PTPRD: variants seen among roughly 807,000 people sequenced by gnomAD.
PTPRD encodes the protein protein tyrosine phosphatase receptor type D.
PTPRD carries 34 observed loss-of-function variants against 214.5 expected under a neutral mutation model. The observed-to-expected ratio is 0.16, with a 90% CI of 0.12 to 0.21. PTPRD has a LOEUF of 0.21. Ranked by LOEUF, PTPRD falls within the 10% of genes least tolerant of loss-of-function variation. The pLI, the probability that PTPRD is intolerant of heterozygous loss-of-function variation, is 1.00. For synonymous variants in PTPRD, 1,128 were observed against 845.7 expected (o/e 1.33, Z -5.79); for missense variants, 2,545 against 2,398.7 (o/e 1.06, Z -1.27).
chr9:8,901,668 C>G (rs114262255), intron 11 of PTPRD, among the ~76,000 whole-genome samples: 2 of 152,268 alleles, frequency 1.3e-5, no homozygotes, highest in African/African-American at 2.4e-5. Context: ...TGGCTACTCC[C>G]AATTAATTAG....
chr9:9,856,402 C>T (rs140970134), intron 5 of PTPRD, among the ~76,000 whole-genome samples: 195 of 152,156 alleles, frequency 1.3e-3, no homozygotes, highest in African/African-American at 3.8e-3. Context: ...CACCAGGGAC[C>T]CATCCTTTTC....
intron 3 of PTPRD, among the ~76,000 whole-genome samples, chr9:10,141,067 T>A (rs2098981203): frequency 6.6e-6 from 1 of 151,894 alleles, no homozygotes; most frequent in Non-Finnish European, 1.5e-5. Context: ...TGCTAAAAAT[T>A]CTCAATAAAT....
intron 2 of PTPRD, among the ~76,000 whole-genome samples, chr9:10,395,710 G>A (rs2098155627): frequency 6.6e-6 from 1 of 151,766 alleles, no homozygotes; most frequent in African/African-American, 2.4e-5. Flanking sequence ...GATCCACAGG[G>A]GCCAAATAAG....
chr9:9,559,295 C>A (rs1251773800), intron 8 of PTPRD, among the ~76,000 whole-genome samples: 1 of 152,216 alleles, frequency 6.6e-6, no homozygotes, highest in Non-Finnish European at 1.5e-5. Flanking sequence ...GCTTCCCAGT[C>A]TGGGAGTTGG....
chr9:9,687,992 C>G (rs2097195716), intron 7 of PTPRD, among the ~76,000 whole-genome samples: 1 of 151,742 alleles, frequency 6.6e-6, no homozygotes. Flanking sequence ...AGGGAATTCT[C>G]ATGGGATCTG....
At chr9:8,619,797 C>CA (rs1595434632) in intron 14 of PTPRD, among the ~76,000 whole-genome samples, 1 of 151,698 alleles carries the variant, frequency 6.6e-6, no homozygotes, top group East Asian at 2.0e-4. Context: ...TAGAGACCCC[C>CA]AAAACAAAAA....
intron 14 of PTPRD, among the ~76,000 whole-genome samples, chr9:8,566,687 C>G (rs1180269563): frequency 6.6e-6 from 1 of 152,176 alleles, no homozygotes; most frequent in Non-Finnish European, 1.5e-5. Flanking sequence ...ATACGTTAGA[C>G]ACTCATGATT....
intron 8 of PTPRD, among the ~76,000 whole-genome samples, chr9:9,531,269 A>G (rs902530879): frequency 6.6e-6 from 1 of 152,172 alleles, no homozygotes; most frequent in African/African-American, 2.4e-5. Flanking sequence ...TCATATGACA[A>G]CATGGATGAG....
chr9:8,414,970 A>AGG (rs1374202167), intron 35 of PTPRD, among the ~76,000 whole-genome samples: 53 of 146,744 alleles, frequency 3.6e-4, no homozygotes, highest in African/African-American at 1.3e-3. Context: ...AGAGAGAGAG[A>AGG]GAGACAGACA....
chr9:8,915,090 G>A (rs1226055011), intron 11 of PTPRD, among the ~76,000 whole-genome samples: 1 of 152,040 alleles, frequency 6.6e-6, no homozygotes, highest in African/African-American at 2.4e-5. Context: ...AAATATGAAA[G>A]CAGTTTGAAG....
chr9:8,707,979 C>A (rs1305103728), intron 12 of PTPRD, among the ~76,000 whole-genome samples: 1 of 152,070 alleles, frequency 6.6e-6, no homozygotes, highest in East Asian at 1.9e-4. Flanking sequence ...TTCAAACTTG[C>A]CCATGGATAA....
At chr9:10,028,872 A>C (rs2154128785) in intron 4 of PTPRD, among the ~76,000 whole-genome samples, 1 of 152,340 alleles carries the variant, frequency 6.6e-6, no homozygotes, top group South Asian at 2.1e-4. Context: ...CTAATCACCA[A>C]GACAATGAGG....
intron 3 of PTPRD, among the ~76,000 whole-genome samples, chr9:10,317,303 G>C (rs1441561883): frequency 1.3e-5 from 2 of 151,824 alleles, no homozygotes; most frequent in South Asian, 4.1e-4. Flanking sequence ...ATTTGAATAA[G>C]TTTCTCCTTT....
chr9:8,759,053 G>C (rs1490326128), intron 11 of PTPRD, among the ~76,000 whole-genome samples: 1 of 148,726 alleles, frequency 6.7e-6, no homozygotes, highest in African/African-American at 2.5e-5. Flanking sequence ...TTTAGAAAGA[G>C]AGCATCTCAC....
intron 3 of PTPRD, among the ~76,000 whole-genome samples, chr9:10,271,638 G>A (rs1039518944): frequency 6.7e-6 from 1 of 150,168 alleles, no homozygotes; most frequent in African/African-American, 2.4e-5. Context: ...CGCCTCCCAG[G>A]TTCAAGCAAT....
intron 3 of PTPRD, among the ~76,000 whole-genome samples, chr9:10,175,949 T>G (rs1233877585): frequency 6.6e-6 from 1 of 152,028 alleles, no homozygotes; most frequent in African/African-American, 2.4e-5. Context: ...CTTTTTGTAC[T>G]TTTGGCTGCA....
rs544464202 is a variant in PTPRD, at chr9:10,363,996, T to TTTTTTGC, written c.-599-22980_-599-22979insGCAAAAA. 2.8e-4 allele frequency among the ~76,000 whole-genome samples: 28 copies of TTTTTTGC among 98,610 alleles called. 6 individuals carry two copies. Among genetic ancestry groups the TTTTTTGC allele is most frequent in the East Asian group, 6.0e-4 (2 of 3,334 alleles). 64.7% of individuals were successfully genotyped at this position (98,610 alleles called of 152,430 possible). On this transcript the variant is annotated intron_variant, in intron 2 of 45. Coordinates refer to ENST00000381196, the MANE Select transcript of PTPRD (RefSeq NM_002839.4). The stretch of plus-strand genomic sequence containing the variant: ...TATTGCCTCCACATTTTCGGGTTTT[T>TTTTTTGC]TTTTTTTTTTTTTTTTTTTTTGAGA...
intron 7 of PTPRD, among the ~76,000 whole-genome samples, chr9:9,630,122 G>C (rs1057156287): frequency 5.3e-5 from 8 of 152,174 alleles, no homozygotes; most frequent in Non-Finnish European, 1.0e-4. Flanking sequence ...CATTAGGGGA[G>C]ATGTGCCAGC....
chr9:8,710,052 G>T (rs1394808221), intron 12 of PTPRD, among the ~76,000 whole-genome samples: 1 of 152,110 alleles, frequency 6.6e-6, no homozygotes, highest in Non-Finnish European at 1.5e-5. Flanking sequence ...GGCTAATAAG[G>T]GTTCTTAAAA....
Sources: gnomAD v4.1 joint callset for allele counts (sites outside exome capture counted in the v4.1 genomes callset) on GRCh38, gnomAD v4.1.1 for gene constraint, MANE v1.5 for transcripts, NCBI Gene and HGNC (gene_info 2026-07-23, HGNC 2026-07-21) for gene names.